CHAC1: variants seen among roughly 807,000 people sequenced by gnomAD.
CHAC1 encodes ChaC glutathione specific gamma-glutamylcyclotransferase 1, also known as glutathione-specific gamma-glutamylcyclotransferase 1.
A neutral mutation model predicts 22.1 loss-of-function variants in CHAC1; 22 were observed. The observed-to-expected ratio is 1.00, with a 90% confidence interval of 0.71 to 1.42. The LOEUF (loss-of-function observed/expected upper bound fraction) is 1.42, where lower values mean the gene tolerates loss of function less well. Ranked by LOEUF, CHAC1 falls within the 40% of genes most tolerant of loss-of-function variation. The pLI, the probability that CHAC1 is intolerant of heterozygous loss-of-function variation, is 0.00. For missense variants in CHAC1, 272 were observed against 299.2 expected (o/e 0.91, Z 0.67); for synonymous variants, 145 against 128.7 (o/e 1.13, Z -0.86).
Position 40,953,483 on chromosome 15 carries a change from C to G in CHAC1, c.-101C>G, listed in dbSNP as rs760765595. 17 of 1,517,470 alleles carry G rather than the reference C, an allele frequency of 1.1e-5. No homozygotes were observed. The Admixed American group carries it at 1.9e-4, about 17-fold the overall frequency. 94.0% of individuals were successfully genotyped at this position (1,517,470 alleles called of 1,614,324 possible). A position where few individuals can be genotyped will look rare whatever the true frequency, so the allele number is the denominator to read the frequency against. On this transcript the variant is annotated 5_prime_UTR_variant, in exon 1 of 3. Coordinates refer to ENST00000617768, the MANE Select transcript of CHAC1 (RefSeq NM_024111.6). ...ATGGGGGGCGCTCAGCTGGAGCTAC[C>G]GAGCGGTGCCAGGCCAGGTGTGTGC...
At chr15:40,954,317 CA>C in intron 2 of CHAC1, 54 bp downstream of exon 2, 1 of 1,576,630 alleles carries the variant, frequency 6.3e-7, no homozygotes, top group Non-Finnish European at 8.7e-7. Context: ...GGGGGACCAG[CA>C]GAGAGAGCTC....
chr15:40,953,699 G>T lies in CHAC1; in HGVS notation c.116G>T (p.Gly39Val). The T allele has an allele frequency of 6.2e-7, 1 of 1,606,798 alleles. No homozygotes were observed. ...DPQALWIFGYGSLVWRPDFAY... is the reference protein window; with the variant it reads ...DPQALWIFGYVSLVWRPDFAY... ...CAAGCGCTGTGGATTTTCGGGTACGGCTCCCTGGTGTGGAGGCCCGACTTC... is the reference window on the plus strand; with the variant it reads ...CAAGCGCTGTGGATTTTCGGGTACGTCTCCCTGGTGTGGAGGCCCGACTTC... Residue 39 changes from glycine to valine, a missense_variant, in exon 1 of 3, where the codon GGC (glycine) becomes GTC (valine). Gly to Val is a moderately radical substitution (Grantham distance 109, BLOSUM62 -3). Transcript: ENST00000617768.
intron 2 of CHAC1, among the ~76,000 whole-genome samples, chr15:40,954,835 C>T (rs1158398370): frequency 6.6e-6 from 1 of 151,592 alleles, no homozygotes; most frequent in East Asian, 1.9e-4. Context: ...AACTCCTGAT[C>T]TCAAGTGATC....
chr15:40,953,557 C>A lies in CHAC1; in HGVS notation c.-27C>A. ...CGCCGGAGACCAGCCCCGGAGGCCG[C>A]CTGGGCCTATCCCTGTGCCAGGCAC... On this transcript the variant is annotated 5_prime_UTR_variant, in exon 1 of 3. Coordinates refer to ENST00000617768, the MANE Select transcript of CHAC1 (RefSeq NM_024111.6). The A allele has an allele frequency of 6.2e-7, 1 of 1,608,988 alleles. No individual in the cohort carries two copies. Among genetic ancestry groups the A allele is most frequent in the Non-Finnish European group, 8.5e-7 (1 of 1,179,732 alleles).
chr15:40,955,281 C>T, intron 2 of CHAC1, 92 bp from the exon 3 acceptor site: 1 of 1,406,092 alleles, frequency 7.1e-7, no homozygotes, highest in Non-Finnish European at 9.9e-7. Flanking sequence ...CCTTATAGAG[C>T]ACAGTCCTGG....
At chr15:40,955,114 A>G (rs537996448) in intron 2 of CHAC1, among the ~76,000 whole-genome samples, 1 of 152,232 alleles carries the variant, frequency 6.6e-6, no homozygotes, top group East Asian at 1.9e-4. Flanking sequence ...GCCGGTCTCG[A>G]ACACCTGACC....
chr15:40,953,826 A>T lies in CHAC1; in HGVS notation c.231+12A>T. The T allele has an allele frequency of 6.4e-7, 1 of 1,572,192 alleles. No homozygotes were observed. The highest frequency in any genetic ancestry group is 2.2e-5 in the East Asian group (1 of 44,560). On this transcript the variant is annotated intron_variant, in intron 1 of 2. Transcript: ENST00000617768. Reference sequence around the variant, plus strand: ...GCAGCGACAAGATGGTGAGCATCCAACCGTGCCCAGGGGAGTGAGGGGGTT... The same window carrying T: ...GCAGCGACAAGATGGTGAGCATCCATCCGTGCCCAGGGGAGTGAGGGGGTT...
rs1321222769 is a variant in CHAC1, at chr15:40,953,793, C to A, written c.210C>A (p.Phe70Leu). The change falls in exon 1 of 3, where the codon TTC becomes TTA. Residue 70 changes from phenylalanine (F) to leucine (L), a missense_variant. Phe to Leu is a conservative substitution (Grantham distance 22). Transcript: ENST00000617768. ...YSRRFWQGDT[F>L]HRGSDKMPGR... ...GCCGTTTCTGGCAGGGAGACACCTT[C>A]CATCGGGGCAGCGACAAGATGGTGA... The A allele has an allele frequency of 6.3e-7, 1 of 1,594,118 alleles. No homozygotes were observed. Among genetic ancestry groups the A allele is most frequent in the South Asian group, 1.1e-5 (1 of 90,870 alleles).
At position 40,955,831 on chromosome 15, in the gene CHAC1, C is replaced by A. The variant is rs1035808170; in HGVS notation, c.*57C>A. On this transcript the variant is annotated 3_prime_UTR_variant, in exon 3 of 3. Transcript: ENST00000617768. ...GGACATCAGGGCCAGACACCCACTC[C>A]AGTGCACAAGACAGACTTGCGACCG... is the stretch of plus-strand genomic sequence containing the variant. 120 of 1,495,926 alleles carry A rather than the reference C, an allele frequency of 8.0e-5. 1 individual carries two copies. In the Middle Eastern group the frequency reaches 8.8e-4, roughly 11 times the overall value. 92.7% of individuals were successfully genotyped at this position (1,495,926 alleles called of 1,614,324 possible).
Position 40,955,615 on chromosome 15 carries a change from C to T in CHAC1, c.510C>T (p.Gly170=). ...CCACGCAGATCCTGGCCTGCCGGGG[C>T]TTCTCCGGCCACAACCTTGAATACT... ...AIATQILACR[G]FSGHNLEYLL... The change falls in exon 3 of 3, where the codon GGC becomes GGT. Residue 170 remains glycine (G), a synonymous_variant. Transcript: ENST00000617768. The T allele has an allele frequency of 6.2e-7, 1 of 1,613,884 alleles. No individual in the cohort carries two copies. The highest frequency in any genetic ancestry group is 1.1e-5 in the South Asian group (1 of 91,090).
At chr15:40,953,848 G>T (rs2140379394) in intron 1 of CHAC1, 34 bp downstream of exon 1, 1 of 1,514,078 alleles carries the variant, frequency 6.6e-7, no homozygotes, top group Admixed American at 1.9e-5. Flanking sequence ...GGAGTGAGGG[G>T]GTTGGGGGCG....
intron 1 of CHAC1, 118 bp downstream of exon 1, chr15:40,953,932 C>T: frequency 1.2e-6 from 1 of 822,050 alleles, no homozygotes; most frequent in African/African-American, 1.7e-5. Flanking sequence ...AAACCTGTGT[C>T]TGGGGTTTGT....
rs1893248486 is a variant in CHAC1 at position 40,956,400 on chromosome 15, T to C, written c.*626T>C. The C allele has an allele frequency of 6.5e-6, 1 of 154,038 alleles. No individual in the cohort carries two copies. Among genetic ancestry groups the C allele is most frequent in the Non-Finnish European group, 1.4e-5 (1 of 69,496 alleles). The allele number at this position is 154,038 out of a possible 1,614,324, so 9.5% of individuals were successfully genotyped here. The stretch of plus-strand genomic sequence containing the variant: ...CTGTCTGTCTGTCTATCTACTTGTC[T>C]GTCTGGGCCACTCCTGCCTGTGTGT... On this transcript the variant is annotated 3_prime_UTR_variant, in exon 3 of 3. Transcript: ENST00000617768.
chr15:40,954,401 C>A, intron 2 of CHAC1, 138 bp downstream of exon 2: 1 of 857,666 alleles, frequency 1.2e-6, no homozygotes, highest in South Asian at 1.4e-5. Context: ...TAGCTCAGTG[C>A]TTCTCACCAA....
In CHAC1 at chr15:40,953,651, TC is replaced by T. The variant is rs1174513356; in HGVS notation, c.73del (p.Arg25GlufsTer58). 6.2e-7 allele frequency: 1 copy of T among 1,609,232 alleles called. No homozygotes were observed. ...TSQSPTPSAQ[F>X]PRNDGDPQAL... ...CAGTCCCCTACGCCGTCCGCTCAGT[TC>T]CCCCGAAACGACGGCGACCCTCAAG... On this transcript the variant is annotated frameshift_variant, in exon 1 of 3. Transcript: ENST00000617768. LOFTEE classifies it high-confidence loss of function.
chr15:40,955,726 C>T lies in CHAC1; in HGVS notation c.621C>T (p.Thr207=). The change falls in exon 3 of 3, where the codon ACC becomes ACT. Residue 207 remains threonine, a synonymous_variant. Transcript: ENST00000617768. ...CAGCCATCGTGGACGCTGTGGGCAC[C>T]ATGTTGCCCTGCTTCTGCCCCACCG... ...HLAAIVDAVG[T]MLPCFCPTEQ... 1 of 1,603,854 alleles carries T rather than the reference C, an allele frequency of 6.2e-7. No homozygotes were observed. The highest frequency in any genetic ancestry group is 8.5e-7 in the Non-Finnish European group (1 of 1,179,624).
chr15:40,953,733 C>T lies in CHAC1; in HGVS notation c.150C>T (p.Ser50=), dbSNP rs1193276870. 6.2e-7 allele frequency: 1 copy of T among 1,603,542 alleles called. No homozygotes were observed. Among genetic ancestry groups the T allele is most frequent in the Non-Finnish European group, 8.5e-7 (1 of 1,179,906 alleles). ...SLVWRPDFAY[S]DSRVGFVRGY... is the part of the protein sequence containing the mutation. The stretch of plus-strand genomic sequence containing the variant: ...TGTGGAGGCCCGACTTCGCCTACAG[C>T]GACAGCCGTGTGGGCTTCGTGCGCG... The change falls in exon 1 of 3, where the codon AGC becomes AGT. Residue 50 remains serine (S), a synonymous_variant. Coordinates refer to ENST00000617768, the MANE Select transcript of CHAC1 (RefSeq NM_024111.6).
Position 40,953,758 on chromosome 15 carries a change from G to C in CHAC1, c.175G>C (p.Gly59Arg). 2.5e-6 allele frequency: 4 copies of C among 1,600,292 alleles called. No individual in the cohort carries two copies. Among genetic ancestry groups the C allele is most frequent in the Non-Finnish European group, 2.5e-6 (3 of 1,179,506 alleles). Residue 59 changes from glycine to arginine, a missense_variant, in exon 1 of 3, where the codon GGC becomes CGC. Coordinates refer to ENST00000617768, the MANE Select transcript of CHAC1 (RefSeq NM_024111.6). ...CGACAGCCGTGTGGGCTTCGTGCGC[G>C]GCTACAGCCGCCGTTTCTGGCAGGG... ...YSDSRVGFVR[G>R]YSRRFWQGDT...
rs1249277533 is a variant in CHAC1 at position 40,953,617 on chromosome 15, C to G, written c.34C>G (p.Pro12Ala). 3 of 1,610,118 alleles carry G rather than the reference C, an allele frequency of 1.9e-6. No individual in the cohort carries two copies. Among genetic ancestry groups the G allele is most frequent in the Non-Finnish European group, 2.5e-6 (3 of 1,179,962 alleles). ...GGAGTCTGCAGCCCCGAACACCCCG[C>G]CCACCTCGCAGTCCCCTACGCCGTC... ...KQESAAPNTP[P>A]TSQSPTPSAQ... Residue 12 changes from proline (P) to alanine (A), a missense_variant, in exon 1 of 3, where the codon CCC (proline) becomes GCC (alanine). By Grantham distance (27) the Pro-to-Ala change is conservative. Coordinates refer to ENST00000617768, the MANE Select transcript of CHAC1 (RefSeq NM_024111.6).
Sources: gnomAD v4.1 joint callset for allele counts (sites outside exome capture counted in the v4.1 genomes callset) on GRCh38, gnomAD v4.1.1 for gene constraint, MANE v1.5 for transcripts, NCBI Gene and HGNC (gene_info 2026-07-23, HGNC 2026-07-21) for gene names.